Variants in PHYKPL observed in about 807,000 individuals in gnomAD.
PHYKPL encodes the protein 5-phosphohydroxy-L-lysine phospho-lyase.
PHYKPL carries 42 observed loss-of-function variants against 51.3 expected under a neutral mutation model. That is an observed-to-expected ratio of 0.82 (90% CI 0.64 to 1.06). The LOEUF is 1.06. Ranked by LOEUF, PHYKPL falls within the 50% of genes least tolerant of loss-of-function variation. The pLI is 0.00. For missense variants in PHYKPL, 655 were observed against 586.6 expected (o/e 1.12, Z -1.20); for synonymous variants, 264 against 236.0 (o/e 1.12, Z -1.09).
chr5:178,224,707 A>C lies in PHYKPL; in HGVS notation c.436T>G (p.Ser146Ala), dbSNP rs201302780. Residue 146 changes from serine (S) to alanine (A), a missense_variant, in exon 5 of 13, where the codon TCC (serine) becomes GCC (alanine). Transcript: ENST00000308158. ...LDHAYHGHLS[S>A]LIDISPYKFR... ...TTGTAGGGACTGATGTCAATCAGGG[A>C]GCTCAGGTGGCCGTGATACGCACTG... 3.7e-6 allele frequency: 6 copies of C among 1,614,078 alleles called. No individual in the cohort carries two copies. The African/African-American group carries it at 6.7e-5, about 18-fold the overall frequency.
intron 12 of PHYKPL, chr5:178,210,435 T>G: frequency 1.3e-6 from 2 of 1,511,852 alleles, no homozygotes; most frequent in Non-Finnish European, 1.8e-6. Context: ...CTTAATAACA[T>G]GAGGAAGGCA....
chr5:178,207,765 C>G (rs1757148221), downstream of PHYKPL, among the ~76,000 whole-genome samples: 1 of 128,182 alleles, frequency 7.8e-6, no homozygotes. Flanking sequence ...TGCGGTAACA[C>G]AATCATGGCT....
downstream of PHYKPL, chr5:178,207,290 GT>G (rs1757110165): frequency 3.8e-6 from 6 of 1,588,738 alleles, no homozygotes; most frequent in Middle Eastern, 1.7e-4. Context: ...AGAGGGATGG[GT>G]TAGGGGTTGG....
At chr5:178,232,118 G>T in intron 1 of PHYKPL, 1 of 1,190,482 alleles carries the variant, frequency 8.4e-7, no homozygotes, top group Non-Finnish European at 1.1e-6. Context: ...CCAGGCCCAG[G>T]TGCTGCTGAC....
intron 10 of PHYKPL, among the ~76,000 whole-genome samples, chr5:178,214,595 C>T (rs1307390215): frequency 1.3e-5 from 2 of 152,146 alleles, no homozygotes; most frequent in East Asian, 1.9e-4. Flanking sequence ...GAACTGCTAA[C>T]ACCACTTATC....
At position 178,225,414 on chromosome 5, in the gene PHYKPL, G is replaced by A; in HGVS notation, c.354C>T (p.Asp118=). 1 of 1,614,212 alleles carries A rather than the reference G, an allele frequency of 6.2e-7. No individual in the cohort carries two copies. Among genetic ancestry groups the A allele is most frequent in the South Asian group, 1.1e-5 (1 of 91,088 alleles). ...AGTGGCGAGCCAGCCTCAGGGCCAG[G>A]TCATTGGCTTCTGACCTATGACCGA... ...YFLNSGSEAN[D]LALRLARHYT... is the part of the protein sequence containing the mutation. The change falls in exon 4 of 13, where the codon GAC becomes GAT. Residue 118 remains aspartate (D), a synonymous_variant. Coordinates refer to ENST00000308158, the MANE Select transcript of PHYKPL (RefSeq NM_153373.4).
intron 8 of PHYKPL, among the ~76,000 whole-genome samples, chr5:178,217,580 C>T (rs1033509863): frequency 2.6e-5 from 4 of 151,684 alleles, no homozygotes; most frequent in Middle Eastern, 3.5e-3. Flanking sequence ...AAAAGTCAGC[C>T]GGCCGCGGTG....
At chr5:178,230,197 T>A in intron 2 of PHYKPL, 98 bp from the exon 3 acceptor site, 1 of 1,483,906 alleles carries the variant, frequency 6.7e-7, no homozygotes, top group Non-Finnish European at 9.2e-7. Flanking sequence ...AGAAGAGATG[T>A]AGTTCTAGAG....
intron 10 of PHYKPL, 26 bp from the exon 11 acceptor site, chr5:178,213,129 A>G (rs1250246133): frequency 1.2e-6 from 2 of 1,612,208 alleles, no homozygotes; most frequent in East Asian, 2.2e-5. Flanking sequence ...ACCCCTTCAC[A>G]TGGCCTTCAA....
At chr5:178,230,850 T>C (rs1763246234) in intron 2 of PHYKPL, 1 of 154,276 alleles carries the variant, frequency 6.5e-6, no homozygotes, top group Non-Finnish European at 1.4e-5. Context: ...ATTAAGTAAC[T>C]TGCCCGAGAT....
chr5:178,232,176 T>C, intron 1 of PHYKPL: 1 of 1,225,730 alleles, frequency 8.2e-7, no homozygotes, highest in Non-Finnish European at 1.0e-6. Context: ...GAAGGTCTTC[T>C]CCGGAGTAAA....
chr5:178,209,577 G>T, intron 12 of PHYKPL: 8 of 724,130 alleles, frequency 1.1e-5, no homozygotes, highest in Non-Finnish European at 9.5e-6. Context: ...GGACGAACAG[G>T]AATAGGAACG....
intron 8 of PHYKPL, chr5:178,216,310 T>A (rs1464827460): frequency 6.6e-6 from 1 of 152,174 alleles, no homozygotes; most frequent in Non-Finnish European, 1.5e-5. Context: ...TCAGGTAAGA[T>A]CTAGAAAGCC....
intron 12 of PHYKPL, chr5:178,210,608 C>G: frequency 6.2e-7 from 1 of 1,613,978 alleles, no homozygotes; most frequent in South Asian, 1.1e-5. Context: ...ATCAGAATAA[C>G]TACAAGCCAT....
intron 12 of PHYKPL, chr5:178,211,667 A>C: frequency 3.9e-6 from 2 of 517,408 alleles, no homozygotes; most frequent in Non-Finnish European, 6.9e-6. Context: ...TTCCACGTGG[A>C]TACAGCCCCA....
intron 3 of PHYKPL, among the ~76,000 whole-genome samples, chr5:178,227,401 T>C (rs888786822): frequency 6.6e-6 from 1 of 152,180 alleles, no homozygotes; most frequent in African/African-American, 2.4e-5. Flanking sequence ...CAGTCTCTGG[T>C]ATTTTCTTAT....
chr5:178,211,079 A>G (rs187429047), intron 12 of PHYKPL: 30 of 177,674 alleles, frequency 1.7e-4, no homozygotes, highest in Admixed American at 6.3e-4. Context: ...ATGTATTGTA[A>G]GGTATTTTAC....
chr5:178,231,559 G>T (rs763927797), intron 1 of PHYKPL, 36 bp from the exon 2 acceptor site: 1 of 1,613,864 alleles, frequency 6.2e-7, no homozygotes, highest in Non-Finnish European at 8.5e-7. Context: ...AGCCATGTCT[G>T]AAGACCGAAA....
chr5:178,210,720 T>C, intron 12 of PHYKPL: 4 of 906,646 alleles, frequency 4.4e-6, no homozygotes, highest in Non-Finnish European at 7.3e-6. Flanking sequence ...AAACTTTCTA[T>C]TGCCTGTCCC....
Sources: allele counts gnomAD v4.1 joint callset (sites outside exome capture counted in the v4.1 genomes callset), GRCh38; gene constraint gnomAD v4.1.1; transcripts MANE v1.5; gene names NCBI Gene and HGNC (gene_info 2026-07-23, HGNC 2026-07-21).